The following SYNPR variants were observed in gnomAD, a reference collection of about 807,000 sequenced individuals.
SYNPR encodes the protein synaptoporin.
A neutral mutation model predicts 32.9 loss-of-function variants in SYNPR; 23 were observed. The observed-to-expected ratio is 0.70, with a 90% CI of 0.50 to 0.99. SYNPR has a LOEUF of 0.99. SYNPR is among the 50% of genes least tolerant of loss of function. The pLI, the probability that SYNPR is intolerant of heterozygous loss-of-function variation, is 0.00. For missense variants in SYNPR, 318 were observed against 349.3 expected (o/e 0.91, Z 0.71); for synonymous variants, 146 against 135.9 (o/e 1.07, Z -0.52).
chr3:63,593,926 C>G (rs1263048882), intron 4 of SYNPR, among the ~76,000 whole-genome samples: 1 of 152,066 alleles, frequency 6.6e-6, no homozygotes, highest in Non-Finnish European at 1.5e-5. Context: ...CAGTACCCAG[C>G]CCATAGCAGG....
chr3:63,375,119 G>C (rs903115453), intron 2 of SYNPR, among the ~76,000 whole-genome samples: 1 of 152,146 alleles, frequency 6.6e-6, no homozygotes, highest in African/African-American at 2.4e-5. Context: ...TTACACTGTT[G>C]GTGGCAGTGT....
intron 4 of SYNPR, among the ~76,000 whole-genome samples, chr3:63,582,462 T>C (rs1703109220): frequency 1.3e-5 from 2 of 152,122 alleles, no homozygotes; most frequent in South Asian, 2.1e-4. Flanking sequence ...ATTCTAATAA[T>C]ATGCAAATTT....
chr3:63,422,810 A>T (rs1367959694), intron 2 of SYNPR, among the ~76,000 whole-genome samples: 1 of 152,234 alleles, frequency 6.6e-6, no homozygotes, highest in African/African-American at 2.4e-5. Flanking sequence ...TAGATATTGC[A>T]GAGAAACTCA....
intron 2 of SYNPR, among the ~76,000 whole-genome samples, chr3:63,355,300 G>A (rs1468202331): frequency 1.3e-5 from 2 of 151,564 alleles, no homozygotes; most frequent in Non-Finnish European, 2.9e-5. Context: ...AAAGTCCCAG[G>A]GCAATTGATT....
chr3:63,533,981 A>G (rs1054111118), intron 3 of SYNPR, among the ~76,000 whole-genome samples: 4 of 152,136 alleles, frequency 2.6e-5, no homozygotes, highest in African/African-American at 9.7e-5. Context: ...AAAATATCCA[A>G]ATTAGAAAAC....
At chr3:63,283,050 A>G (rs2086644519) in intron 2 of SYNPR, among the ~76,000 whole-genome samples, 1 of 152,180 alleles carries the variant, frequency 6.6e-6, no homozygotes, top group Non-Finnish European at 1.5e-5. Flanking sequence ...TAGGTAGAGA[A>G]CGGGAGAGGT....
intron 2 of SYNPR, among the ~76,000 whole-genome samples, chr3:63,392,817 G>A (rs1310787181): frequency 6.6e-6 from 1 of 151,676 alleles, no homozygotes; most frequent in East Asian, 1.9e-4. Context: ...AGTGATTTTT[G>A]GATAAATTAT....
chr3:63,559,699 A>G (rs1313933605), intron 4 of SYNPR, among the ~76,000 whole-genome samples: 1 of 131,254 alleles, frequency 7.6e-6, no homozygotes, highest in Non-Finnish European at 1.6e-5. Context: ...AACTTTGGGC[A>G]AGTGTTTTTT....
chr3:63,292,993 G>A (rs920301796), intron 2 of SYNPR, among the ~76,000 whole-genome samples: 6 of 152,080 alleles, frequency 3.9e-5, no homozygotes, highest in Non-Finnish European at 8.8e-5. Context: ...TTTGGCAAGG[G>A]GATCATGAAT....
chr3:63,586,673 T>TGTGTGTGC (rs1703190260), intron 4 of SYNPR, among the ~76,000 whole-genome samples: 2 of 150,620 alleles, frequency 1.3e-5, no homozygotes, highest in Non-Finnish European at 3.0e-5. Context: ...TGTGTGTGTG[T>TGTGTGTGC]GTGTGTGTGT....
chr3:63,203,054 A>ATT, the SYNPR span, among the ~76,000 whole-genome samples: 1 of 84,506 alleles, frequency 1.2e-5, no homozygotes, highest in Non-Finnish European at 2.2e-5. Flanking sequence ...ATAAATACAT[A>ATT]TATATATGTA....
chr3:63,267,706 T>G (rs2086501980), intron 3 of SYNPR, among the ~76,000 whole-genome samples: 1 of 152,200 alleles, frequency 6.6e-6, no homozygotes, highest in Non-Finnish European at 1.5e-5. Context: ...GGCTGCAGAA[T>G]AGGGGAAGAT....
At chr3:63,291,961 C>A (rs2086743813) in intron 2 of SYNPR, among the ~76,000 whole-genome samples, 1 of 152,046 alleles carries the variant, frequency 6.6e-6, no homozygotes, top group Non-Finnish European at 1.5e-5. Flanking sequence ...CTTACACAAA[C>A]CTAAATGGGA....
At chr3:63,523,531 T>A (rs930250847) in intron 3 of SYNPR, among the ~76,000 whole-genome samples, 29 of 152,136 alleles carry the variant, frequency 1.9e-4, no homozygotes, top group African/African-American at 6.8e-4. Flanking sequence ...CCAAAGGTAG[T>A]AACCATCAGA....
intron 2 of SYNPR, among the ~76,000 whole-genome samples, chr3:63,471,602 T>C (rs1700799031): frequency 6.6e-6 from 1 of 152,216 alleles, no homozygotes; most frequent in Admixed American, 6.5e-5. Context: ...GCCTCCTGTA[T>C]AGGGAGTGGA....
chr3:63,488,698 T>C (rs977434352), intron 3 of SYNPR, among the ~76,000 whole-genome samples: 4 of 152,130 alleles, frequency 2.6e-5, no homozygotes, highest in African/African-American at 9.7e-5. Flanking sequence ...GTTGTTGTTG[T>C]TATTATTAAG....
chr3:63,453,669 C>A (rs544821093), intron 2 of SYNPR, among the ~76,000 whole-genome samples: 49 of 152,192 alleles, frequency 3.2e-4, no homozygotes, highest in Middle Eastern at 3.4e-3. Flanking sequence ...TACTTTGGAT[C>A]CACCCAAACT....
At chr3:63,413,796 AC>A (rs1442474215) in intron 2 of SYNPR, among the ~76,000 whole-genome samples, 18 of 152,228 alleles carry the variant, frequency 1.2e-4, no homozygotes, top group East Asian at 3.9e-4. Context: ...TCCCTTACCA[AC>A]TGTTTTCCAT....
At chr3:63,219,103 G>C in the SYNPR span, among the ~76,000 whole-genome samples, 32,030 of 152,136 alleles carry the variant, frequency 0.21, 4,277 homozygotes, top group Admixed American at 0.32. Context: ...GAATTGAAGA[G>C]AAAGAAGTGG....
Sources: gnomAD v4.1 joint callset for allele counts (sites outside exome capture counted in the v4.1 genomes callset) on GRCh38, gnomAD v4.1.1 for gene constraint, MANE v1.5 for transcripts, NCBI Gene and HGNC (gene_info 2026-07-23, HGNC 2026-07-21) for gene names.